Variants in SUPT3H observed in about 807,000 individuals in gnomAD.
SUPT3H encodes the protein transcription initiation protein SPT3 homolog.
Under a neutral mutation model 44.3 loss-of-function variants are expected in SUPT3H, and 44 were observed. That is an observed-to-expected ratio of 0.99 (90% CI 0.78 to 1.28). The LOEUF (loss-of-function observed/expected upper bound fraction) is 1.28. SUPT3H is among the 50% of genes most tolerant of loss of function. The pLI is 0.00. For missense variants in SUPT3H, 380 were observed against 387.1 expected, an observed-to-expected ratio of 0.98 and a Z score of 0.15; for synonymous variants, 124 against 125.6, an observed-to-expected ratio of 0.99 and a Z score of 0.09.
At chr6:45,334,337 A>G (rs1788108422) in intron 2 of SUPT3H, among the ~76,000 whole-genome samples, 1 of 150,880 alleles carries the variant, frequency 6.6e-6, no homozygotes, top group Non-Finnish European at 1.5e-5. Context: ...AAACTCAAGA[A>G]CTTAAATACA....
At chr6:44,983,505 G>GAAAA (rs995394979) in intron 6 of SUPT3H, among the ~76,000 whole-genome samples, 1 of 151,720 alleles carries the variant, frequency 6.6e-6, no homozygotes, top group Non-Finnish European at 1.5e-5. Flanking sequence ...AAGAAAGAAA[G>GAAAA]AAAAAAAATC....
chr6:45,004,483 A>T (rs993736619), intron 5 of SUPT3H, among the ~76,000 whole-genome samples: 3 of 151,980 alleles, frequency 2.0e-5, no homozygotes, highest in Admixed American at 6.6e-5. Flanking sequence ...CTATATTATC[A>T]TCTTAGGTCC....
chr6:45,288,613 G>GTA (rs1360607816), intron 2 of SUPT3H, among the ~76,000 whole-genome samples: 14 of 59,094 alleles, frequency 2.4e-4, no homozygotes, highest in Non-Finnish European at 4.1e-4. Context: ...ATATATATAT[G>GTA]TATATATATA....
rs371539777 is a variant in SUPT3H at position 45,299,644 on chromosome 6, A to C, written c.101+65557T>G. Among the ~76,000 whole-genome samples, 63 of 152,076 alleles carry C rather than the reference A, an allele frequency of 4.1e-4. 1 individual carries two copies. In the South Asian group the frequency reaches 0.012, roughly 29 times the overall value. ...ACAAATTTTAATGGTAGCTAAAAAA[A>C]TTAACAAGCCTATAATCCCAACACT... On this transcript the variant is annotated intron_variant, in intron 2 of 10. Coordinates refer to ENST00000371459, the MANE Select transcript of SUPT3H (RefSeq NM_003599.4).
At chr6:44,882,844 G>A (rs1037540926) in intron 10 of SUPT3H, among the ~76,000 whole-genome samples, 1 of 152,128 alleles carries the variant, frequency 6.6e-6, no homozygotes, top group African/African-American at 2.4e-5. Flanking sequence ...ACTCCTTCAT[G>A]CTAAAAACTC....
intron 2 of SUPT3H, among the ~76,000 whole-genome samples, chr6:45,361,311 C>A (rs12194311): frequency 0.41 from 62,921 of 151,724 alleles, 13,862 homozygotes; most frequent in Non-Finnish European, 0.5. Context: ...TATTTATCCC[C>A]AAAACTCCCA....
intron 2 of SUPT3H, among the ~76,000 whole-genome samples, chr6:45,345,846 A>G (rs1435901059): frequency 6.6e-6 from 1 of 152,138 alleles, no homozygotes; most frequent in Non-Finnish European, 1.5e-5. Flanking sequence ...ACATTTTGAT[A>G]CTAATCATGT....
chr6:45,241,159 G>A (rs1420504056), intron 2 of SUPT3H, among the ~76,000 whole-genome samples: 1 of 152,086 alleles, frequency 6.6e-6, no homozygotes, highest in African/African-American at 2.4e-5. Context: ...AGCTGCCTTT[G>A]TTTTTATCAC....
rs994831226 is a variant in SUPT3H at position 44,827,919 on chromosome 6, A to G, written c.*1897T>C. On this transcript the variant is annotated 3_prime_UTR_variant, in exon 11 of 11. Coordinates refer to ENST00000371459, the MANE Select transcript of SUPT3H (RefSeq NM_003599.4). ...GTCAGACTGTTCAAGATAGACAAAC[A>G]TATGCCAGACCAACAAAAACACAGA... Among the ~76,000 whole-genome samples, 1 of 152,122 alleles carries G rather than the reference A, an allele frequency of 6.6e-6. No homozygotes were observed. The highest frequency in any genetic ancestry group is 2.4e-5 in the African/African-American group (1 of 41,456).
At chr6:45,220,392 A>C (rs1765832691) in intron 2 of SUPT3H, among the ~76,000 whole-genome samples, 1 of 152,168 alleles carries the variant, frequency 6.6e-6, no homozygotes, top group South Asian at 2.1e-4. Flanking sequence ...GGCAGAAAAA[A>C]AAATCTGACA....
Position 44,894,479 on chromosome 6 carries a change from A to T in SUPT3H, c.912+38174T>A, listed in dbSNP as rs186558679. Among the ~76,000 whole-genome samples the T allele has an allele frequency of 5.3e-3, 811 of 152,282 alleles. 8 individuals carry two copies. Among genetic ancestry groups the T allele is most frequent in the Non-Finnish European group, 6.6e-3 (448 of 68,014 alleles). On this transcript the variant is annotated intron_variant, in intron 10 of 10. Transcript: ENST00000371459. ...TCCCAGCACCATTTATAAATAGGGA[A>T]TCCTTTCCCCATTGCTTGTTTTTCT...
At chr6:44,888,032 C>T (rs1413552567) in intron 10 of SUPT3H, among the ~76,000 whole-genome samples, 2 of 152,148 alleles carry the variant, frequency 1.3e-5, no homozygotes, top group African/African-American at 4.8e-5. Context: ...GGATAAATTC[C>T]TGGACACATA....
At chr6:45,302,514 AATATATATATATAT>A (rs10524207) in intron 2 of SUPT3H, among the ~76,000 whole-genome samples, 2,889 of 105,376 alleles carry the variant, frequency 0.027, 59 homozygotes, top group African/African-American at 0.047. Context: ...GTATCTCAGG[AATATATATATATAT>A]ATATATATAT....
chr6:44,900,455 G>A (rs1764804837), intron 10 of SUPT3H, among the ~76,000 whole-genome samples: 3 of 152,352 alleles, frequency 2.0e-5, no homozygotes, highest in South Asian at 2.1e-4. Flanking sequence ...CAAACCGCAA[G>A]GCGGCAGCAA....
At chr6:45,241,269 A>G (rs1276327009) in intron 2 of SUPT3H, among the ~76,000 whole-genome samples, 1 of 152,086 alleles carries the variant, frequency 6.6e-6, no homozygotes, top group East Asian at 1.9e-4. Context: ...TCTCTGCAAC[A>G]CTGTGACATG....
chr6:44,843,576 C>G (rs1327315643), intron 10 of SUPT3H, among the ~76,000 whole-genome samples: 1 of 151,940 alleles, frequency 6.6e-6, no homozygotes, highest in Non-Finnish European at 1.5e-5. Flanking sequence ...AAAAAATAAA[C>G]TTTATTTCTA....
intron 2 of SUPT3H, among the ~76,000 whole-genome samples, chr6:45,203,215 A>T (rs1213652200): frequency 2.0e-5 from 3 of 152,216 alleles, no homozygotes; most frequent in Non-Finnish European, 2.9e-5. Flanking sequence ...CCATGTAAAG[A>T]CAACATGCAA....
chr6:45,107,582 T>C (rs1168614815), intron 2 of SUPT3H, among the ~76,000 whole-genome samples: 1 of 152,142 alleles, frequency 6.6e-6, no homozygotes, highest in African/African-American at 2.4e-5. Flanking sequence ...CTGCTACCCA[T>C]ATAGCCTTAA....
chr6:45,323,727 G>C (rs980470102), intron 2 of SUPT3H, among the ~76,000 whole-genome samples: 4 of 151,730 alleles, frequency 2.6e-5, no homozygotes, highest in Non-Finnish European at 5.9e-5. Context: ...TGAAAGAGAG[G>C]AGATTTTCCT....
Sources: allele counts gnomAD v4.1 joint callset (sites outside exome capture counted in the v4.1 genomes callset), GRCh38; gene constraint gnomAD v4.1.1; transcripts MANE v1.5; gene names NCBI Gene and HGNC (gene_info 2026-07-23, HGNC 2026-07-21).